Variants in PSMD8 observed in about 807,000 individuals in gnomAD.
PSMD8 encodes proteasome 26S subunit, non-ATPase 8.
In PSMD8, 30 loss-of-function variants were observed where a neutral mutation model predicts 40.0. The ratio of observed to expected loss-of-function variants is 0.75; its 90% confidence interval spans 0.56 to 1.02. PSMD8 has a LOEUF of 1.02. PSMD8 is among the 50% of genes least tolerant of loss of function. The pLI is 0.00. For missense variants in PSMD8, 461 were observed against 463.9 expected, an observed-to-expected ratio of 0.99 and a Z score of 0.06; for synonymous variants, 208 against 192.5, an observed-to-expected ratio of 1.08 and a Z score of -0.67.
chr19:38,374,797 G>C lies in PSMD8; in HGVS notation c.196G>C (p.Ala66Pro). ...GLLAASRKMAAAAVNGAAGFS... is the reference protein window; with the variant it reads ...GLLAASRKMAPAAVNGAAGFS... ...GCTTGCCGCATCACGCAAGATGGCG[G>C]CCGCGGCGGTGAACGGGGCGGCAGG... is the stretch of plus-strand genomic sequence containing the variant. Residue 66 changes from alanine (A) to proline (P), a missense_variant, in exon 1 of 7, where the codon GCC (alanine) becomes CCC (proline). By Grantham distance (27) the Ala-to-Pro change is conservative. Transcript: ENST00000215071. 6.4e-7 allele frequency: 1 copy of C among 1,572,226 alleles called. No individual in the cohort carries two copies. Among genetic ancestry groups the C allele is most frequent in the Non-Finnish European group, 8.6e-7 (1 of 1,165,088 alleles).
In PSMD8 at chr19:38,379,263, A is replaced by G. The variant is rs771895667; in HGVS notation, c.560A>G (p.Tyr187Cys). ...AGGGAGCAGCTCCCCGAGTCAGCCT[A>G]TATGCACCAGCTCTTGGGCCTCAAC... is the stretch of plus-strand genomic sequence containing the variant. ...DYKEQLPESAYMHQLLGLNLL... is the reference protein window; with the variant it reads ...DYKEQLPESACMHQLLGLNLL... The change falls in exon 4 of 7, where the codon TAT (tyrosine) becomes TGT (cysteine). Residue 187 changes from tyrosine (Y) to cysteine (C), a missense_variant. By Grantham distance (194) the Tyr-to-Cys change is radical. This residue lies in a region of PSMD8 where 236 missense variants were observed against 321.2 expected (regional missense o/e 0.73). Coordinates refer to ENST00000215071, the MANE Select transcript of PSMD8 (RefSeq NM_002812.5). 9.9e-6 allele frequency: 16 copies of G among 1,613,718 alleles called. No homozygotes were observed. In the South Asian group the frequency reaches 1.2e-4, roughly 12 times the overall value.
chr19:38,381,751 A>G (rs1006247521), intron 5 of PSMD8, among the ~76,000 whole-genome samples: 4 of 152,136 alleles, frequency 2.6e-5, no homozygotes, highest in African/African-American at 9.7e-5. Flanking sequence ...GATGGGTACA[A>G]GGAACCCCCT....
rs562614872 is a variant in PSMD8, at chr19:38,374,738, T to A, written c.137T>A (p.Val46Asp). 2.6e-6 allele frequency: 4 copies of A among 1,552,638 alleles called. No individual in the cohort carries two copies. The East Asian group carries it at 9.6e-5, about 37-fold the overall frequency. Reference protein sequence around the residue: ...TSRPHFRRASVCRRRCRKSGG... With the variant: ...TSRPHFRRASDCRRRCRKSGG... ...CGGCCCCACTTCCGCCGGGCAAGCG[T>A]TTGTAGGCGGCGCTGCCGTAAATCA... The change falls in exon 1 of 7, where the codon GTT becomes GAT. Residue 46 changes from valine (V) to aspartate (D), a missense_variant. Physicochemically the swap from Val to Asp is radical, Grantham distance 152 (BLOSUM62 -3). Around this residue, in one of 2 missense-constraint regions of PSMD8, gnomAD observed 225 missense variants for 142.7 expected, o/e 1.58. Coordinates refer to ENST00000215071, the MANE Select transcript of PSMD8 (RefSeq NM_002812.5).
intron 4 of PSMD8, among the ~76,000 whole-genome samples, chr19:38,380,113 C>T (rs1489861606): frequency 2.0e-5 from 3 of 152,066 alleles, no homozygotes; most frequent in Non-Finnish European, 4.4e-5. Flanking sequence ...CATGGTGAAA[C>T]CCCGTCTCTA....
At chr19:38,380,723 T>TGTGTGTGCGCGCGCGTGCGCGC (rs1555743511) in intron 4 of PSMD8, among the ~76,000 whole-genome samples, 176 bp from the exon 5 acceptor site, 222 of 143,956 alleles carry the variant, frequency 1.5e-3, no homozygotes, top group South Asian at 9.2e-3. Flanking sequence ...TGTGTGTGTG[T>TGTGTGTGCGCGCGCGTGCGCGC]GTGTGTGCGC....
chr19:38,374,836 G>A lies in PSMD8; in HGVS notation c.235G>A (p.Gly79Arg), dbSNP rs1970584463. The change falls in exon 1 of 7, where the codon GGG (glycine) becomes AGG (arginine). Residue 79 changes from glycine to arginine, a missense_variant. Gly to Arg is a moderately radical substitution (Grantham distance 125, BLOSUM62 -2). Around this residue, in one of 2 missense-constraint regions of PSMD8, gnomAD observed 225 missense variants for 142.7 expected, o/e 1.58. Transcript: ENST00000215071. ...VNGAAGFSSS[G>R]PAATSGAVLQ... is the part of the protein sequence containing the mutation. Reference sequence around the variant, plus strand: ...CGGGGCGGCAGGCTTCTCGAGCTCCGGGCCCGCGGCAACCTCGGGCGCTGT... The same window carrying A: ...CGGGGCGGCAGGCTTCTCGAGCTCCAGGCCCGCGGCAACCTCGGGCGCTGT... 4 of 1,576,856 alleles carry A rather than the reference G, an allele frequency of 2.5e-6. No individual in the cohort carries two copies. The highest frequency in any genetic ancestry group is 3.4e-6 in the Non-Finnish European group (4 of 1,169,246).
intron 6 of PSMD8, chr19:38,382,860 C>T (rs577518731): frequency 5.0e-4 from 96 of 193,620 alleles, no homozygotes; most frequent in Non-Finnish European, 3.2e-5. Context: ...TGCAGTGAGC[C>T]GAGATCACGC....
In PSMD8 at chr19:38,374,755, C is replaced by G. The variant is rs369326461; in HGVS notation, c.154C>G (p.Arg52Gly). 54 of 1,560,632 alleles carry G rather than the reference C, an allele frequency of 3.5e-5. No homozygotes were observed. The highest frequency in any genetic ancestry group is 5.6e-5 in the Admixed American group (3 of 53,370). The change falls in exon 1 of 7, where the codon CGT becomes GGT. Residue 52 changes from arginine (R) to glycine (G), a missense_variant. This residue lies in a region of PSMD8 where 225 missense variants were observed against 142.7 expected (regional missense o/e 1.58). Transcript: ENST00000215071. ...GGCAAGCGTTTGTAGGCGGCGCTGC[C>G]GTAAATCAGGCGGTCTGCTTGCCGC... is the stretch of plus-strand genomic sequence containing the variant. The part of the protein sequence containing the change: ...RRASVCRRRC[R>G]KSGGLLAASR...
chr19:38,380,843 G>T (rs1476361234), intron 4 of PSMD8, 56 bp from the exon 5 acceptor site: 12 of 1,374,972 alleles, frequency 8.7e-6, no homozygotes, highest in Admixed American at 2.2e-5. Flanking sequence ...ACACAGGTAG[G>T]CCCCTTTGCA....
At position 38,382,106 on chromosome 19, in the gene PSMD8, T is replaced by C. The variant is rs1451698952; in HGVS notation, c.804-11T>C. 1.3e-6 allele frequency: 2 copies of C among 1,554,320 alleles called. No homozygotes were observed. The highest frequency in any genetic ancestry group is 2.4e-5 in the South Asian group (2 of 84,226). On this transcript the variant is annotated splice_polypyrimidine_tract_variant and intron_variant, in intron 5 of 6. Coordinates refer to ENST00000215071, the MANE Select transcript of PSMD8 (RefSeq NM_002812.5). Reference sequence around the variant, plus strand: ...ATGCTCAGTAATGAGGAGCTTCTCATCTTCCCCCAGGGATGAGATCGCTGG... The same window carrying C: ...ATGCTCAGTAATGAGGAGCTTCTCACCTTCCCCCAGGGATGAGATCGCTGG...
At chr19:38,376,138 C>T in intron 1 of PSMD8, 22 bp from the exon 2 acceptor site, 1 of 1,452,646 alleles carries the variant, frequency 6.9e-7, no homozygotes, top group Non-Finnish European at 9.6e-7. Context: ...TTTCTTTCTT[C>T]CCTCCCTCCC....
intron 5 of PSMD8, among the ~76,000 whole-genome samples, chr19:38,381,651 T>G (rs1185618213): frequency 2.0e-5 from 3 of 152,208 alleles, no homozygotes; most frequent in African/African-American, 4.8e-5. Flanking sequence ...TCCCCATCAC[T>G]GGCTTTTCCC....
rs1341411915 is a variant in PSMD8 at position 38,380,659 on chromosome 19, G to A, written c.703-240G>A. The stretch of plus-strand genomic sequence containing the variant: ...TGAGATGCCAGCCCAGAGCAGGCTT[G>A]GGGGGAGGGAGGGAGGGAGGAAGAG... On this transcript the variant is annotated intron_variant, in intron 4 of 6. Transcript: ENST00000215071. 3.3e-5 allele frequency among the ~76,000 whole-genome samples: 5 copies of A among 149,650 alleles called. No individual in the cohort carries two copies. The South Asian group carries it at 1.1e-3, about 32-fold the overall frequency.
intron 5 of PSMD8, 103 bp downstream of exon 5, chr19:38,381,102 G>C (rs1309327152): frequency 4.3e-6 from 4 of 940,408 alleles, no homozygotes; most frequent in Non-Finnish European, 6.3e-6. Context: ...GTCTGGGTAG[G>C]CTAGGTGTGT....
At position 38,383,598 on chromosome 19, in the gene PSMD8, C is replaced by T. The variant is rs1970662413; in HGVS notation, c.*208C>T. 1.5e-6 allele frequency: 1 copy of T among 665,478 alleles called. No homozygotes were observed. Among genetic ancestry groups the T allele is most frequent in the Admixed American group, 2.9e-5 (1 of 34,208 alleles). 41.2% of individuals were successfully genotyped at this position (665,478 alleles called of 1,614,324 possible). On this transcript the variant is annotated 3_prime_UTR_variant, in exon 7 of 7. Transcript: ENST00000215071. Reference sequence around the variant, plus strand: ...AGATAGCCTCCAACTGGGTCAGCCTCTGTCTGGTGGGCATTGCTCAGGGTC... The same window carrying T: ...AGATAGCCTCCAACTGGGTCAGCCTTTGTCTGGTGGGCATTGCTCAGGGTC...
At chr19:38,380,126 A>C (rs928024994) in intron 4 of PSMD8, among the ~76,000 whole-genome samples, 3 of 152,176 alleles carry the variant, frequency 2.0e-5, no homozygotes, top group South Asian at 2.1e-4. Flanking sequence ...CGTCTCTATA[A>C]AAATACAAAA....
chr19:38,380,919 C>G lies in PSMD8; in HGVS notation c.723C>G (p.Tyr241Ter). ...SLEQYLMEGSYNKVFLAKGNI... is the reference protein window; with the variant it reads ...SLEQYLMEGS ...TGCAGTACCTGATGGAGGGCAGCTACAACAAAGTGTTCCTGGCCAAGGGTA... is the reference window on the plus strand; with the variant it reads ...TGCAGTACCTGATGGAGGGCAGCTAGAACAAAGTGTTCCTGGCCAAGGGTA... The change falls in exon 5 of 7, where the codon TAC becomes TAG. Residue 241 changes from tyrosine to a stop codon, truncating the protein, a stop_gained. Transcript: ENST00000215071. LOFTEE classifies it high-confidence loss of function. 6.3e-7 allele frequency: 1 copy of G among 1,579,650 alleles called. No homozygotes were observed. The highest frequency in any genetic ancestry group is 8.6e-7 in the Non-Finnish European group (1 of 1,161,254).
At chr19:38,380,675 G>A (rs1185840292) in intron 4 of PSMD8, among the ~76,000 whole-genome samples, 1 of 138,024 alleles carries the variant, frequency 7.2e-6, no homozygotes, top group East Asian at 2.8e-4. Flanking sequence ...AGGGAGGGAG[G>A]GAGGAAGAGG....
intron 6 of PSMD8, chr19:38,382,864 ATCACGCCATTGCAC>A (rs1388293283): frequency 6.0e-5 from 12 of 200,890 alleles, no homozygotes; most frequent in Non-Finnish European, 1.2e-4. Context: ...GTGAGCCGAG[ATCACGCCATTGCAC>A]TCCAGCCTGG....
Sources: gnomAD v4.1 joint callset for allele counts (sites outside exome capture counted in the v4.1 genomes callset) on GRCh38, gnomAD v4.1.1 for gene constraint, gnomAD v4.1.1 regional missense constraint, MANE v1.5 for transcripts, NCBI Gene and HGNC (gene_info 2026-07-23, HGNC 2026-07-21) for gene names.